The following MEIOC variants were observed in gnomAD, a reference collection of about 807,000 sequenced individuals.
The protein encoded by MEIOC is meiosis specific with coiled-coil domain.
In MEIOC, 9 loss-of-function variants were observed where a neutral mutation model predicts 85.3. The observed-to-expected ratio is 0.11, with a 90% CI of 0.06 to 0.18. The LOEUF is 0.18. Among genes scored for constraint, MEIOC ranks in the 10% least tolerant of loss-of-function variants. The pLI, the probability that MEIOC is intolerant of heterozygous loss-of-function variation, is 1.00. For synonymous variants in MEIOC, 365 were observed against 393.7 expected (o/e 0.93, Z 0.86); for missense variants, 898 against 1,129.4 (o/e 0.80, Z 2.94).
intron 3 of MEIOC, 81 bp from the exon 4 acceptor site, chr17:44,665,303 T>C (rs1247178004): frequency 1.1e-6 from 1 of 929,140 alleles, no homozygotes; most frequent in East Asian, 3.2e-5. Context: ...ACATATTTTA[T>C]AGATAAAGAT....
Position 44,674,462 on chromosome 17 carries a change from C to T in MEIOC, c.*266C>T. 8.5e-7 allele frequency: 1 copy of T among 1,170,822 alleles called. No individual in the cohort carries two copies. 72.5% of individuals were successfully genotyped at this position (1,170,822 alleles called of 1,614,324 possible). ...TTTAAGTAAATTAAATATTTCCTAA[C>T]AGCTAAAATGTGCTTAAACTCATTC... On this transcript the variant is annotated 3_prime_UTR_variant, in exon 8 of 8. Coordinates refer to ENST00000409122, the MANE Select transcript of MEIOC (RefSeq NM_001145080.3).
At position 44,675,162 on chromosome 17, in the gene MEIOC, A is replaced by G. The variant is rs1392705467; in HGVS notation, c.*966A>G. 14 of 984,874 alleles carry G rather than the reference A, an allele frequency of 1.4e-5. No homozygotes were observed. The highest frequency in any genetic ancestry group is 6.2e-5 in the Admixed American group (1 of 16,248). The allele number at this position is 984,874 out of a possible 1,614,324, so 61.0% of individuals were successfully genotyped here. A position where few individuals can be genotyped will look rare whatever the true frequency, so the allele number is the denominator to read the frequency against. On this transcript the variant is annotated 3_prime_UTR_variant, in exon 8 of 8. Transcript: ENST00000409122. ...TAGTTGTGTTCATTAGTTTGCTTCTAAGTTCTAAAATGTATTTTTTAAAGG... is the reference window on the plus strand; with the variant it reads ...TAGTTGTGTTCATTAGTTTGCTTCTGAGTTCTAAAATGTATTTTTTAAAGG...
rs759089226 is a variant in MEIOC at position 44,662,482 on chromosome 17, T to A, written c.359+11T>A. 2.0e-6 allele frequency: 3 copies of A among 1,499,068 alleles called. No individual in the cohort carries two copies. Among genetic ancestry groups the A allele is most frequent in the Admixed American group, 2.4e-5 (1 of 42,322 alleles). 92.9% of individuals were successfully genotyped at this position (1,499,068 alleles called of 1,614,324 possible). On this transcript the variant is annotated intron_variant, in intron 3 of 7. Transcript: ENST00000409122. The stretch of plus-strand genomic sequence containing the variant: ...CAGTATAAAGAACAGGTAAATTAAT[T>A]CATTTCTCAAGGTAATTGAGGTATT...
At chr17:44,656,831 G>C (rs1438340884) in intron 1 of MEIOC, 149 bp downstream of exon 1, 1 of 458,656 alleles carries the variant, frequency 2.2e-6, no homozygotes, top group African/African-American at 2.1e-5. Context: ...CGGGCGGGGG[G>C]CGCGGCGCGG....
chr17:44,675,921 A>C, downstream of MEIOC: 3 of 248,878 alleles, frequency 1.2e-5, no homozygotes, highest in Non-Finnish European at 1.9e-5. Context: ...TTAACGCACA[A>C]GTAATAATGT....
downstream of MEIOC, among the ~76,000 whole-genome samples, chr17:44,676,778 C>T (rs1004885642): frequency 2.6e-5 from 4 of 151,994 alleles, no homozygotes; most frequent in East Asian, 1.9e-4. Flanking sequence ...GCCAACATGG[C>T]GCCACTGCAC....
chr17:44,673,504 A>T lies in MEIOC; in HGVS notation c.2596A>T (p.Asn866Tyr). 1 of 1,550,944 alleles carries T rather than the reference A, an allele frequency of 6.4e-7. No individual in the cohort carries two copies. Among genetic ancestry groups the T allele is most frequent in the Non-Finnish European group, 8.7e-7 (1 of 1,146,854 alleles). The change falls in exon 7 of 8, where the codon AAT becomes TAT. Residue 866 changes from asparagine (N) to tyrosine (Y), a missense_variant. By Grantham distance (143) the Asn-to-Tyr change is moderately radical. Around this residue, in one of 2 missense-constraint regions of MEIOC, gnomAD observed 164 missense variants for 269.2 expected, o/e 0.61. Transcript: ENST00000409122. ...RRKDEIVNAS[N>Y]RQRQGVPRCQ... is the part of the protein sequence containing the mutation. ...AAAGGATGAAATTGTTAATGCTTCCAATCGGCAAAGGCAAGGAGTTCCTAG... is the reference window on the plus strand; with the variant it reads ...AAAGGATGAAATTGTTAATGCTTCCTATCGGCAAAGGCAAGGAGTTCCTAG...
chr17:44,663,777 C>T (rs1192616076), intron 3 of MEIOC, among the ~76,000 whole-genome samples: 3 of 151,988 alleles, frequency 2.0e-5, no homozygotes, highest in Non-Finnish European at 2.9e-5. Context: ...TTATATTGAA[C>T]TTTTATGAGA....
chr17:44,663,930 G>T (rs774815433), intron 3 of MEIOC, among the ~76,000 whole-genome samples: 2 of 152,034 alleles, frequency 1.3e-5, no homozygotes, highest in Admixed American at 6.5e-5. Flanking sequence ...AGATAATAAC[G>T]AATGATTACT....
intron 2 of MEIOC, among the ~76,000 whole-genome samples, chr17:44,659,233 T>C (rs563106418): frequency 6.6e-6 from 1 of 152,326 alleles, no homozygotes; most frequent in African/African-American, 2.4e-5. Flanking sequence ...TGTATATTAT[T>C]ATGCCACTGT....
chr17:44,669,210 A>T (rs1971961444), intron 5 of MEIOC, among the ~76,000 whole-genome samples, 173 bp from the exon 6 acceptor site: 1 of 152,188 alleles, frequency 6.6e-6, no homozygotes, highest in South Asian at 2.1e-4. Flanking sequence ...CTGAAAAAAA[A>T]AAGATAGAAA....
intron 2 of MEIOC, among the ~76,000 whole-genome samples, chr17:44,658,108 TC>T (rs1468889544): frequency 6.7e-5 from 10 of 150,028 alleles, no homozygotes; most frequent in African/African-American, 2.5e-4. Context: ...CGCCTCGGCC[TC>T]CCAAAGTGCT....
At position 44,667,928 on chromosome 17, in the gene MEIOC, G is replaced by A. The variant is rs1299637241; in HGVS notation, c.2017G>A (p.Asp673Asn). The stretch of plus-strand genomic sequence containing the variant: ...CTTTTCTAATAATTATATGATGGGA[G>A]ATTTAAGGCATAATCAGTGTTTTCA... ...SCFSNNYMMGDLRHNQCFQQL... is the reference protein window; with the variant it reads ...SCFSNNYMMGNLRHNQCFQQL... The change falls in exon 5 of 8, where the codon GAT (aspartate) becomes AAT (asparagine). Residue 673 changes from aspartate (D) to asparagine (N), a missense_variant. Asp to Asn is a conservative substitution (Grantham distance 23, BLOSUM62 1). Transcript: ENST00000409122. 1 of 1,613,746 alleles carries A rather than the reference G, an allele frequency of 6.2e-7. No homozygotes were observed. Among genetic ancestry groups the A allele is most frequent in the African/African-American group, 1.3e-5 (1 of 74,926 alleles).
At position 44,666,865 on chromosome 17, in the gene MEIOC, A is replaced by C. The variant is rs755896872; in HGVS notation, c.954A>C (p.Arg318Ser). 3.1e-6 allele frequency: 5 copies of C among 1,610,434 alleles called. No homozygotes were observed. In the African/African-American group the frequency reaches 5.3e-5, roughly 17 times the overall value. ...RAEMFLSQFN[R>S]YNENVDYCRY... ...AGATGTTTCTTTCTCAATTTAATAG[A>C]TACAATGAAAATGTAGATTATTGTA... The change falls in exon 5 of 8, where the codon AGA becomes AGC. Residue 318 changes from arginine to serine, a missense_variant. Around this residue, in one of 2 missense-constraint regions of MEIOC, gnomAD observed 734 missense variants for 860.1 expected, o/e 0.85. Transcript: ENST00000409122.
At chr17:44,670,476 C>CAGCT (rs1971987785) in intron 6 of MEIOC, 1 of 147,840 alleles carries the variant, frequency 6.8e-6, no homozygotes, top group Non-Finnish European at 1.5e-5. Flanking sequence ...ATTTGTTTTC[C>CAGCT]AGCTTGATGA....
intron 2 of MEIOC, among the ~76,000 whole-genome samples, chr17:44,661,964 C>T (rs1971848899): frequency 6.6e-6 from 1 of 151,988 alleles, no homozygotes; most frequent in Admixed American, 6.6e-5. Flanking sequence ...TACCACAGAC[C>T]AGCAACAAGG....
rs1971907064 is a variant in MEIOC, at chr17:44,666,579, TTCA to T, written c.673_675del (p.His225del). On this transcript the variant is annotated inframe_deletion, in exon 5 of 8. Transcript: ENST00000409122. ...ACACCACAACAAAAAATAGATGAAC[TTCA>T]TCATGGATTTACTGGTTTAGATCTT... is the stretch of plus-strand genomic sequence containing the variant. 1.2e-6 allele frequency: 2 copies of T among 1,610,530 alleles called. No homozygotes were observed. Among genetic ancestry groups the T allele is most frequent in the Non-Finnish European group, 1.7e-6 (2 of 1,178,204 alleles).
intron 3 of MEIOC, among the ~76,000 whole-genome samples, chr17:44,663,649 T>A (rs1278254406): frequency 6.6e-6 from 1 of 152,132 alleles, no homozygotes; most frequent in Admixed American, 6.5e-5. Context: ...TCAAGAAAAG[T>A]GAAAGTCTGT....
At chr17:44,670,345 T>G (rs1473655279) in intron 6 of MEIOC, 1 of 151,140 alleles carries the variant, frequency 6.6e-6, no homozygotes, top group Non-Finnish European at 1.5e-5. Flanking sequence ...TTTTCGTAAT[T>G]TAAATGGTTC....
Sources: gnomAD v4.1 joint callset for allele counts (sites outside exome capture counted in the v4.1 genomes callset) on GRCh38, gnomAD v4.1.1 for gene constraint, gnomAD v4.1.1 regional missense constraint, MANE v1.5 for transcripts, NCBI Gene and HGNC (gene_info 2026-07-23, HGNC 2026-07-21) for gene names.